The following PARD3 variants were observed in gnomAD, a reference collection of about 807,000 sequenced individuals.
PARD3 encodes par-3 family cell polarity regulator.
PARD3 carries 75 observed loss-of-function variants against 155.4 expected under a neutral mutation model. That is an observed-to-expected ratio of 0.48 (90% CI 0.40 to 0.58). PARD3 has a LOEUF of 0.58. Ranked by LOEUF, PARD3 falls within the 20% of genes least tolerant of loss-of-function variation. The pLI is 0.00. For synonymous variants in PARD3, 576 were observed against 610.5 expected (o/e 0.94, Z 0.83); for missense variants, 1,642 against 1,721.7 (o/e 0.95, Z 0.82).
intron 2 of PARD3, among the ~76,000 whole-genome samples, chr10:34,692,068 C>A (rs2094072623): frequency 6.6e-6 from 1 of 152,018 alleles, no homozygotes; most frequent in Non-Finnish European, 1.5e-5. Context: ...CCCATCTCTA[C>A]TAAAAATACA....
intron 2 of PARD3, among the ~76,000 whole-genome samples, chr10:34,641,321 G>A (rs999426623): frequency 1.3e-5 from 2 of 152,196 alleles, no homozygotes; most frequent in Admixed American, 6.5e-5. Flanking sequence ...TCTCCCTCCC[G>A]GCACCTGCCC....
intron 5 of PARD3, among the ~76,000 whole-genome samples, chr10:34,425,369 ACT>A (rs932765887): frequency 6.6e-6 from 1 of 151,944 alleles, no homozygotes; most frequent in African/African-American, 2.4e-5. Context: ...CTAACAAACA[ACT>A]CTCAACACAT....
chr10:34,313,114 C>T (rs999387750), intron 20 of PARD3, among the ~76,000 whole-genome samples: 2 of 152,164 alleles, frequency 1.3e-5, no homozygotes, highest in African/African-American at 4.8e-5. Flanking sequence ...TTTCCTCTTT[C>T]GTGACAATTT....
At chr10:34,564,952 G>C (rs1010191854) in intron 2 of PARD3, among the ~76,000 whole-genome samples, 1 of 152,068 alleles carries the variant, frequency 6.6e-6, no homozygotes, top group Non-Finnish European at 1.5e-5. Context: ...TTTTAGAGAT[G>C]GGTAAACTGA....
intron 5 of PARD3, among the ~76,000 whole-genome samples, chr10:34,435,506 A>T (rs2076144280): frequency 6.6e-6 from 1 of 152,228 alleles, no homozygotes; most frequent in Non-Finnish European, 1.5e-5. Context: ...CTTTCATGGT[A>T]TGAGAAAGGT....
intron 22 of PARD3, among the ~76,000 whole-genome samples, chr10:34,247,104 C>G: frequency 6.6e-6 from 1 of 152,040 alleles, no homozygotes; most frequent in South Asian, 2.1e-4. Context: ...GAAACCCAAG[C>G]CCTCAGTAAT....
At chr10:34,484,404 C>G (rs868409467) in intron 3 of PARD3, among the ~76,000 whole-genome samples, 8 of 152,236 alleles carry the variant, frequency 5.3e-5, no homozygotes, top group Admixed American at 4.6e-4. Flanking sequence ...ATACCACTCC[C>G]TCTGTCAGAT....
chr10:34,690,611 C>A (rs553209615), intron 2 of PARD3, among the ~76,000 whole-genome samples: 5 of 152,264 alleles, frequency 3.3e-5, no homozygotes, highest in Admixed American at 3.3e-4. Flanking sequence ...AACCAAACTT[C>A]CACAACAGGT....
At chr10:34,425,910 CT>C (rs1371542259) in intron 5 of PARD3, among the ~76,000 whole-genome samples, 10 of 152,152 alleles carry the variant, frequency 6.6e-5, no homozygotes. Context: ...TTCACAGATG[CT>C]TTACATCCAC....
At chr10:34,598,088 A>T (rs1022565770) in intron 2 of PARD3, among the ~76,000 whole-genome samples, 4 of 152,210 alleles carry the variant, frequency 2.6e-5, no homozygotes, top group African/African-American at 9.6e-5. Context: ...CTAAGTGTCT[A>T]TCTGTAAGAG....
chr10:34,788,476 G>A (rs1320183718), intron 1 of PARD3, among the ~76,000 whole-genome samples: 1 of 146,080 alleles, frequency 6.8e-6, no homozygotes, highest in African/African-American at 2.6e-5. Flanking sequence ...CTGAGACACA[G>A]TCTTGCTCTG....
At chr10:34,560,755 T>G (rs2085404128) in intron 2 of PARD3, among the ~76,000 whole-genome samples, 1 of 152,212 alleles carries the variant, frequency 6.6e-6, no homozygotes, top group African/African-American at 2.4e-5. Context: ...TCCACTGCGT[T>G]CATTTTAAGT....
chr10:34,792,404 A>C (rs1841765098), intron 1 of PARD3, among the ~76,000 whole-genome samples: 1 of 152,104 alleles, frequency 6.6e-6, no homozygotes, highest in African/African-American at 2.4e-5. Flanking sequence ...GTTTTTCTTT[A>C]CTACAGTAGC....
chr10:34,162,320 G>C (rs555609470), intron 22 of PARD3, among the ~76,000 whole-genome samples: 37 of 152,204 alleles, frequency 2.4e-4, no homozygotes, highest in Non-Finnish European at 4.3e-4. Context: ...TGTTAAGGGG[G>C]GCAACTGGCA....
chr10:34,411,256 A>G (rs572401232), intron 5 of PARD3, among the ~76,000 whole-genome samples: 15 of 152,198 alleles, frequency 9.9e-5, no homozygotes, highest in Non-Finnish European at 1.9e-4. Context: ...CTGGAATTTA[A>G]AATTGCAAGT....
rs114164861 is a variant in PARD3 at position 34,177,825 on chromosome 10, G to A, written c.3420-46242C>T. 5.8e-3 allele frequency among the ~76,000 whole-genome samples: 888 copies of A among 152,266 alleles called. 8 individuals are homozygous for A. Among genetic ancestry groups the A allele is most frequent in the African/African-American group, 0.02 (837 of 41,546 alleles). On this transcript the variant is annotated intron_variant, in intron 22 of 24. Coordinates refer to ENST00000374788, the MANE Select transcript of PARD3 (RefSeq NM_001184785.2). Reference sequence around the variant, plus strand: ...ACCAGAGAGACACCAGAAAGTGGGGGTCCTCGCTTTCCTTGGCCCTTTCCC... The same window carrying A: ...ACCAGAGAGACACCAGAAAGTGGGGATCCTCGCTTTCCTTGGCCCTTTCCC...
At chr10:34,782,557 T>C (rs77594873) in intron 1 of PARD3, among the ~76,000 whole-genome samples, 2,260 of 152,272 alleles carry the variant, frequency 0.015, 19 homozygotes, top group Admixed American at 0.023. Context: ...CACTCCACTT[T>C]TGGCTGATCG....
intron 2 of PARD3, among the ~76,000 whole-genome samples, chr10:34,535,059 C>T (rs920606785): frequency 2.6e-5 from 4 of 152,046 alleles, no homozygotes; most frequent in Non-Finnish European, 4.4e-5. Flanking sequence ...AAATTGTAGT[C>T]CTGAGCAGGA....
chr10:34,199,383 T>C (rs1951102641), intron 22 of PARD3, among the ~76,000 whole-genome samples: 2 of 152,200 alleles, frequency 1.3e-5, no homozygotes, highest in Admixed American at 6.5e-5. Flanking sequence ...TGACAGGGCT[T>C]AGCCTGGAGA....
Sources: allele counts gnomAD v4.1 joint callset (sites outside exome capture counted in the v4.1 genomes callset), GRCh38; gene constraint gnomAD v4.1.1; transcripts MANE v1.5; gene names NCBI Gene and HGNC (gene_info 2026-07-23, HGNC 2026-07-21).